AHI1: variants seen among roughly 807,000 people sequenced by gnomAD.
The protein encoded by AHI1 is Abelson helper integration site 1.
AHI1 carries 123 observed loss-of-function variants against 149.3 expected under a neutral mutation model. The ratio of observed to expected loss-of-function variants is 0.82; its 90% CI spans 0.71 to 0.96. AHI1 has a LOEUF of 0.96. AHI1 is among the 40% of genes least tolerant of loss of function. AHI1 has a pLI of 0.00. For synonymous variants in AHI1, 475 were observed against 459.8 expected (o/e 1.03, Z -0.42); for missense variants, 1,439 against 1,422.7 (o/e 1.01, Z -0.18).
rs1207608724 is a variant in AHI1 at position 135,323,194 on chromosome 6, C to A, written c.3296G>T (p.Gly1099Val). The change falls in exon 25 of 29, where the codon GGT (glycine) becomes GTT (valine). Residue 1099 changes from glycine to valine, a missense_variant. By Grantham distance (109) the Gly-to-Val change is moderately radical. Transcript: ENST00000265602. Reference protein sequence around the residue: ...WYGSIGKGQEGYFPANHVASE... With the variant: ...WYGSIGKGQEVYFPANHVASE... Reference sequence around the variant, plus strand: ...AGCCACATGATTAGCTGGAAAATAACCTTCCTGTCCCTTTCCTATGCTGCC... The same window carrying A: ...AGCCACATGATTAGCTGGAAAATAAACTTCCTGTCCCTTTCCTATGCTGCC... The A allele has an allele frequency of 5.0e-6, 8 of 1,611,646 alleles. No individual in the cohort carries two copies. The highest frequency in any genetic ancestry group is 3.3e-5 in the Admixed American group (2 of 59,938).
chr6:135,381,741 C>T (rs991563270), intron 23 of AHI1, among the ~76,000 whole-genome samples: 2 of 152,126 alleles, frequency 1.3e-5, no homozygotes, highest in Non-Finnish European at 2.9e-5. Context: ...GTGTTTTATA[C>T]GCATGCCCTG....
chr6:135,349,835 T>C (rs543309141), intron 24 of AHI1, among the ~76,000 whole-genome samples: 5 of 152,310 alleles, frequency 3.3e-5, no homozygotes, highest in African/African-American at 1.2e-4. Flanking sequence ...TTTGTCATTC[T>C]AGCAATTAGA....
chr6:135,324,717 CA>C (rs781062516), intron 24 of AHI1, among the ~76,000 whole-genome samples: 271 of 152,092 alleles, frequency 1.8e-3, no homozygotes, highest in Admixed American at 4.2e-3. Context: ...AAGCAGGGCT[CA>C]GATCATGCAT....
At position 135,300,340 on chromosome 6, in the gene AHI1, A is replaced by G. The variant is rs557570350; in HGVS notation, c.3485+160T>C. Among the ~76,000 whole-genome samples the G allele has an allele frequency of 1.9e-3, 265 of 136,464 alleles. 3 individuals are homozygous for G. Among genetic ancestry groups the G allele is most frequent in the Middle Eastern group, 7.3e-3 (2 of 274 alleles). The allele number at this position is 136,464 out of a possible 152,430, so 89.5% of individuals were successfully genotyped here. On this transcript the variant is annotated intron_variant, in intron 27 of 28. Coordinates refer to ENST00000265602, the MANE Select transcript of AHI1 (RefSeq NM_001134831.2). ...ACTCTGTCTCCAAAAAAAAAAAAAA[A>G]GAAAAAAAAATCGTAAACAAGCTAA...
At chr6:135,471,929 G>A (rs1247487797) in intron 5 of AHI1, among the ~76,000 whole-genome samples, 7 of 149,232 alleles carry the variant, frequency 4.7e-5, no homozygotes, top group Admixed American at 4.0e-4. Flanking sequence ...GGAGAATGGC[G>A]TGAACCTGGG....
intron 8 of AHI1, among the ~76,000 whole-genome samples, chr6:135,459,435 T>C (rs1362160875): frequency 1.3e-5 from 2 of 152,148 alleles, no homozygotes; most frequent in South Asian, 4.2e-4. Flanking sequence ...AACCCAATTT[T>C]AAAGCTAGAA....
intron 23 of AHI1, among the ~76,000 whole-genome samples, chr6:135,370,465 T>C (rs1038735973): frequency 6.6e-6 from 1 of 152,212 alleles, no homozygotes; most frequent in Admixed American, 6.5e-5. Flanking sequence ...TTCCAATCTA[T>C]CATGCCAGTC....
In AHI1 at chr6:135,463,312, A is replaced by C. The variant is rs1396487523; in HGVS notation, c.750-6T>G. 1 of 1,588,886 alleles carries C rather than the reference A, an allele frequency of 6.3e-7. No homozygotes were observed. Among genetic ancestry groups the C allele is most frequent in the Admixed American group, 1.8e-5 (1 of 56,702 alleles). The stretch of plus-strand genomic sequence containing the variant: ...CACCAGAGATGGTCAATGTACTACA[A>C]ATATAATCCAAGTATCAGCCATTAC... On this transcript the variant is annotated splice_polypyrimidine_tract_variant and splice_region_variant and intron_variant, in intron 7 of 28. Coordinates refer to ENST00000265602, the MANE Select transcript of AHI1 (RefSeq NM_001134831.2).
At position 135,386,930 on chromosome 6, in the gene AHI1, TTTC is replaced by T. The variant is rs200462166; in HGVS notation, c.3109+7843_3109+7845del. On this transcript the variant is annotated intron_variant, in intron 23 of 28. Transcript: ENST00000265602. Reference sequence around the variant, plus strand: ...GCATGAGCCACCCCACCTGGCCTTTTTTCTTTTTTCTTTTTGAGACAGGGTCTT... The same window carrying T: ...GCATGAGCCACCCCACCTGGCCTTTTTTTTTTCTTTTTGAGACAGGGTCTT... Among the ~76,000 whole-genome samples the T allele has an allele frequency of 1.6e-3, 241 of 152,118 alleles. 6 individuals carry two copies. The East Asian group carries it at 0.035, about 22-fold the overall frequency.
intron 23 of AHI1, among the ~76,000 whole-genome samples, chr6:135,373,150 G>A (rs1332514038): frequency 6.6e-6 from 1 of 152,224 alleles, no homozygotes; most frequent in Non-Finnish European, 1.5e-5. Context: ...ATGTTTTACA[G>A]TCATGTGCTG....
chr6:135,289,287 G>C lies in AHI1; in HGVS notation c.3588+1136C>G, dbSNP rs1193710101. 2.0e-5 allele frequency among the ~76,000 whole-genome samples: 3 copies of C among 152,042 alleles called. No individual in the cohort carries two copies. In the East Asian group the frequency reaches 5.8e-4, roughly 29 times the overall value. The stretch of plus-strand genomic sequence containing the variant: ...GAGGCAGGTGGATGGCTTGAGGTCA[G>C]GAGTTCAAGACCAGCCTGGGAAACA... On this transcript the variant is annotated intron_variant, in intron 28 of 28. Coordinates refer to ENST00000265602, the MANE Select transcript of AHI1 (RefSeq NM_001134831.2).
chr6:135,301,054 C>G, intron 26 of AHI1: 1 of 984,880 alleles, frequency 1.0e-6, no homozygotes. Context: ...ATGGCACCTT[C>G]GTGAGAAAAA....
rs985998138 is a variant in AHI1 at position 135,384,914 on chromosome 6, T to G, written c.3109+9862A>C. 4.5e-4 allele frequency among the ~76,000 whole-genome samples: 69 copies of G among 152,104 alleles called. 1 individual carries two copies. Among genetic ancestry groups the G allele is most frequent in the African/African-American group, 1.7e-3 (69 of 41,506 alleles). The stretch of plus-strand genomic sequence containing the variant: ...CACCAGCCTGCCCACCATGGTGAAA[T>G]CCCGCCTCTACTGAAAATAAGAAAA... On this transcript the variant is annotated intron_variant, in intron 23 of 28. Transcript: ENST00000265602.
At position 135,448,415 on chromosome 6, in the gene AHI1, GGTAATATAGCT is replaced by G. The variant is rs2128059122; in HGVS notation, c.1490_1500del (p.Gln497ProfsTer4). ...AATGGGGATCGAGGCTTAGTAGGTG[GGTAATATAGCT>G]GCAAGCGAAGTTTTGAGTTGATGTT... is the stretch of plus-strand genomic sequence containing the variant. On this transcript the variant is annotated frameshift_variant, in exon 12 of 29. Transcript: ENST00000265602. LOFTEE classifies it high-confidence loss of function. 6.3e-7 allele frequency: 1 copy of G among 1,590,616 alleles called. No homozygotes were observed. Among genetic ancestry groups the G allele is most frequent in the East Asian group, 2.2e-5 (1 of 44,582 alleles).
intron 11 of AHI1, among the ~76,000 whole-genome samples, chr6:135,451,956 T>C (rs1398296999): frequency 6.6e-6 from 1 of 152,078 alleles, no homozygotes; most frequent in Non-Finnish European, 1.5e-5. Context: ...CTGGACCAGG[T>C]GATTGCTAAG....
chr6:135,470,851 T>C (rs1158202414), intron 5 of AHI1, among the ~76,000 whole-genome samples: 2 of 152,010 alleles, frequency 1.3e-5, no homozygotes, highest in East Asian at 3.9e-4. Flanking sequence ...AATACCTAGG[T>C]GATGGGTGGA....
At chr6:135,477,291 C>T (rs942808964) in intron 5 of AHI1, among the ~76,000 whole-genome samples, 15 of 152,270 alleles carry the variant, frequency 9.9e-5, no homozygotes, top group Admixed American at 3.9e-4. Context: ...CCACTCGCCT[C>T]GGCCTCCCAA....
chr6:135,490,222 G>A, intron 5 of AHI1: 1 of 724,002 alleles, frequency 1.4e-6, no homozygotes, highest in Non-Finnish European at 2.6e-6. Flanking sequence ...GATTTCTCCT[G>A]GTTCTGTTGG....
chr6:135,332,544 A>G (rs998111317), intron 24 of AHI1, among the ~76,000 whole-genome samples: 1 of 152,242 alleles, frequency 6.6e-6, no homozygotes, highest in Non-Finnish European at 1.5e-5. Context: ...AACAGACCAG[A>G]CTAACAATCA....
Sources: gnomAD v4.1 joint callset for allele counts (sites outside exome capture counted in the v4.1 genomes callset) on GRCh38, gnomAD v4.1.1 for gene constraint, MANE v1.5 for transcripts, NCBI Gene and HGNC (gene_info 2026-07-23, HGNC 2026-07-21) for gene names.